MSH5: variants seen among roughly 807,000 people sequenced by gnomAD.
MSH5 encodes mutS homolog 5.
Under a neutral mutation model 107.7 loss-of-function variants are expected in MSH5, and 78 were observed. The ratio of observed to expected loss-of-function variants is 0.72; its 90% CI spans 0.60 to 0.87. The LOEUF (loss-of-function observed/expected upper bound fraction) is 0.87, where lower values mean the gene tolerates loss of function less well. Ranked by LOEUF, MSH5 falls within the 40% of genes least tolerant of loss-of-function variation. The pLI is 0.00. For synonymous variants in MSH5, 326 were observed against 399.5 expected (o/e 0.82, Z 2.19); for missense variants, 889 against 1,046.6 (o/e 0.85, Z 2.08).
At position 31,753,439 on chromosome 6, in the gene MSH5, T is replaced by C; in HGVS notation, c.951T>C (p.Pro317=). 1 of 1,613,538 alleles carries C rather than the reference T, an allele frequency of 6.2e-7. No homozygotes were observed. Among genetic ancestry groups the C allele is most frequent in the Non-Finnish European group, 8.5e-7 (1 of 1,179,606 alleles). The change falls in exon 11 of 25, where the codon CCT becomes CCC. Residue 317 remains proline, a splice_region_variant and synonymous_variant. Coordinates refer to ENST00000375750, the MANE Select transcript of MSH5 (RefSeq NM_172166.4). ...TCCTGGGTCACATCAAGAACGTGCC[T>C]GTGAGCCCAGGGTGGAGGGCAGGGA... ...HRLLGHIKNV[P]LILKRMKLSH...
rs1811103749 is a variant in MSH5 at position 31,762,432 on chromosome 6, A to G, written c.2406A>G (p.Leu802=). The change falls in exon 25 of 25, where the codon TTA becomes TTG. Residue 802 remains leucine, a synonymous_variant. Transcript: ENST00000375750. Reference sequence around the variant, plus strand: ...CTCTCTTCTTCAGTTGCCAGACATTAGTGGATAAGTTTATGAAACTGGATT... The same window carrying G: ...CTCTCTTCTTCAGTTGCCAGACATTGGTGGATAAGTTTATGAAACTGGATT... The part of the protein sequence containing the change: ...KKNQMENCQT[L]VDKFMKLDLE... The G allele has an allele frequency of 6.2e-7, 1 of 1,612,530 alleles. No individual in the cohort carries two copies. Among genetic ancestry groups the G allele is most frequent in the Non-Finnish European group, 8.5e-7 (1 of 1,178,750 alleles).
intron 7 of MSH5, 64 bp downstream of exon 7, chr6:31,744,363 G>A (rs764258684): frequency 3.7e-5 from 59 of 1,604,944 alleles, no homozygotes; most frequent in African/African-American, 6.7e-5. Flanking sequence ...AAAGTAAAGT[G>A]GGGGTGGGGT....
At chr6:31,754,137 A>AT (rs9281574) in intron 12 of MSH5, 22,334 of 149,328 alleles carry the variant, frequency 0.15, 2,113 homozygotes, top group African/African-American at 0.27. Flanking sequence ...ACTTACGCCA[A>AT]TTTTTTTTTA....
In MSH5 at chr6:31,762,489, C is replaced by T. The variant is rs1324987777; in HGVS notation, c.2463C>T (p.Phe821=). ...ATCCTAACCTGGACTTGAACGTTTT[C>T]ATGAGCCAGGAAGTGCTGCCTGCTG... ...LEDPNLDLNV[F]MSQEVLPAAT... Residue 821 remains phenylalanine, a synonymous_variant, in exon 25 of 25, where the codon TTC becomes TTT. Transcript: ENST00000375750. 1 of 1,614,118 alleles carries T rather than the reference C, an allele frequency of 6.2e-7. No homozygotes were observed. Among genetic ancestry groups the T allele is most frequent in the Non-Finnish European group, 8.5e-7 (1 of 1,180,002 alleles).
intron 10 of MSH5, 93 bp downstream of exon 10, chr6:31,747,525 A>C: frequency 8.5e-6 from 11 of 1,297,754 alleles, no homozygotes; most frequent in African/African-American, 2.9e-5. Context: ...ACAGATTCTC[A>C]CATACACCAC....
chr6:31,742,393 G>C (rs1808999823), intron 3 of MSH5, among the ~76,000 whole-genome samples: 1 of 152,122 alleles, frequency 6.6e-6, no homozygotes, highest in Non-Finnish European at 1.5e-5. Flanking sequence ...GAGTAGCTGG[G>C]ATTACAAGAA....
In MSH5 at chr6:31,742,937, C is replaced by T; in HGVS notation, c.332C>T (p.Thr111Ile). The stretch of plus-strand genomic sequence containing the variant: ...AGTGCCAAACAGGATGAGAATATGA[C>T]TCGATTTCTGGGAAAGCTTGGTAAG... ...VTSAKQDENM[T>I]RFLGKLASQE... The change falls in exon 4 of 25, where the codon ACT becomes ATT. Residue 111 changes from threonine to isoleucine, a missense_variant. This residue lies in a region of MSH5 where 518 missense variants were observed against 565.0 expected (regional missense o/e 0.92). Coordinates refer to ENST00000375750, the MANE Select transcript of MSH5 (RefSeq NM_172166.4). 6.2e-7 allele frequency: 1 copy of T among 1,612,968 alleles called. No homozygotes were observed. Among genetic ancestry groups the T allele is most frequent in the Non-Finnish European group, 8.5e-7 (1 of 1,180,028 alleles).
In MSH5 at chr6:31,760,864, G is replaced by A. The variant is rs1810928004; in HGVS notation, c.1962+25G>A. The A allele has an allele frequency of 5.6e-6, 9 of 1,605,706 alleles. No homozygotes were observed. The highest frequency in any genetic ancestry group is 7.7e-6 in the Non-Finnish European group (9 of 1,175,238). ...GGTCAAAGGGAACAAAGGGAGGTGGGATTGAGGAAGGGGATAATGGGAAAG... is the reference window on the plus strand; with the variant it reads ...GGTCAAAGGGAACAAAGGGAGGTGGAATTGAGGAAGGGGATAATGGGAAAG... On this transcript the variant is annotated intron_variant, in intron 20 of 24. Coordinates refer to ENST00000375750, the MANE Select transcript of MSH5 (RefSeq NM_172166.4). The surrounding 1 kb of genome is among the most constrained non-coding windows in gnomAD (Gnocchi z 5.6).
At chr6:31,757,854 G>C (rs183961334) in intron 12 of MSH5, 149 of 434,720 alleles carry the variant, frequency 3.4e-4, no homozygotes, top group African/African-American at 2.9e-3. Flanking sequence ...ATTTTGAGTA[G>C]AGACAGGGTT....
chr6:31,754,396 C>T (rs1189487390), intron 12 of MSH5, among the ~76,000 whole-genome samples: 3 of 152,152 alleles, frequency 2.0e-5, no homozygotes, highest in African/African-American at 4.8e-5. Context: ...GTGATCTGCC[C>T]ATCTCGGCCT....
intron 12 of MSH5, chr6:31,757,814 T>G (rs1221925896): frequency 2.9e-6 from 1 of 341,448 alleles, no homozygotes; most frequent in African/African-American, 2.1e-5. Flanking sequence ...GAATTACATG[T>G]GCATGCCACC....
chr6:31,761,283 G>A lies in MSH5; in HGVS notation c.2037+21G>A, dbSNP rs751810623. 1.2e-6 allele frequency: 2 copies of A among 1,612,778 alleles called. No homozygotes were observed. The highest frequency in any genetic ancestry group is 2.2e-5 in the East Asian group (1 of 44,880). ...ACACGGTGAGGGGAGAAACTGATGAGGGGAGAAACTAAGGAGGGGAAAATG... is the reference window on the plus strand; with the variant it reads ...ACACGGTGAGGGGAGAAACTGATGAAGGGAGAAACTAAGGAGGGGAAAATG... On this transcript the variant is annotated intron_variant, in intron 21 of 24. Transcript: ENST00000375750. The surrounding 1 kb of genome is among the most constrained non-coding windows in gnomAD (Gnocchi z 5.3).
rs747543231 is a variant in MSH5, at chr6:31,753,590, G to C, written c.975G>C (p.Leu325Phe). ...NVPLILKRMK[L>F]SHTKVSDWQV... Reference sequence around the variant, plus strand: ...AGCTGATTCTGAAACGCATGAAGTTGTCCCACACCAAGGTCAGCGACTGGC... The same window carrying C: ...AGCTGATTCTGAAACGCATGAAGTTCTCCCACACCAAGGTCAGCGACTGGC... The change falls in exon 12 of 25, where the codon TTG (leucine) becomes TTC (phenylalanine). Residue 325 changes from leucine to phenylalanine, a missense_variant. Leu to Phe is a conservative substitution (Grantham distance 22). Coordinates refer to ENST00000375750, the MANE Select transcript of MSH5 (RefSeq NM_172166.4). The C allele has an allele frequency of 6.2e-7, 1 of 1,614,136 alleles. No individual in the cohort carries two copies. The highest frequency in any genetic ancestry group is 8.5e-7 in the Non-Finnish European group (1 of 1,180,030).
chr6:31,758,434 A>G lies in MSH5; in HGVS notation c.1144-114A>G, dbSNP rs1032753233. 5 of 1,548,318 alleles carry G rather than the reference A, an allele frequency of 3.2e-6. 1 individual carries two copies. The African/African-American group carries it at 6.8e-5, about 21-fold the overall frequency. On this transcript the variant is annotated intron_variant, in intron 13 of 24. Transcript: ENST00000375750. This position sits in a 1 kb window ranked among gnomAD's most constrained non-coding sequence, Gnocchi z 5.1. Reference sequence around the variant, plus strand: ...GGAGGAGGCAGCAGAACTTCAGGGAAGTATCTGGAGGGTGAGAGTTAAAGG... The same window carrying G: ...GGAGGAGGCAGCAGAACTTCAGGGAGGTATCTGGAGGGTGAGAGTTAAAGG...
rs765384035 is a variant in MSH5, at chr6:31,753,555, G to T, written c.952-12G>T. 7 of 1,613,998 alleles carry T rather than the reference G, an allele frequency of 4.3e-6. No individual in the cohort carries two copies. The East Asian group carries it at 1.1e-4, about 26-fold the overall frequency. The stretch of plus-strand genomic sequence containing the variant: ...AAGAGAAAACAGCGGCTGTAACCTT[G>T]TCTGACTGTAGCTGATTCTGAAACG... On this transcript the variant is annotated splice_polypyrimidine_tract_variant and intron_variant, in intron 11 of 24. Transcript: ENST00000375750.
Position 31,741,150 on chromosome 6 carries a change from C to T in MSH5, c.148-13C>T. 1 of 1,612,372 alleles carries T rather than the reference C, an allele frequency of 6.2e-7. No homozygotes were observed. Among genetic ancestry groups the T allele is most frequent in the Non-Finnish European group, 8.5e-7 (1 of 1,179,748 alleles). Reference sequence around the variant, plus strand: ...GATTCTAATAGTGATTTCCTTTCTTCCTTGCTGGACAGATCCATCTGTGTG... The same window carrying T: ...GATTCTAATAGTGATTTCCTTTCTTTCTTGCTGGACAGATCCATCTGTGTG... On this transcript the variant is annotated splice_polypyrimidine_tract_variant and intron_variant, in intron 2 of 24. Transcript: ENST00000375750.
chr6:31,745,293 G>A lies in MSH5; in HGVS notation c.740G>A (p.Gly247Glu), dbSNP rs753440321. The change falls in exon 9 of 25, where the codon GGA (glycine) becomes GAA (glutamate). Residue 247 changes from glycine (G) to glutamate (E), a missense_variant. Physicochemically the swap from Gly to Glu is moderately conservative, Grantham distance 98 (BLOSUM62 -2). This residue lies in a region of MSH5 where 518 missense variants were observed against 565.0 expected (regional missense o/e 0.92). Coordinates refer to ENST00000375750, the MANE Select transcript of MSH5 (RefSeq NM_172166.4). ...CCCTCAGTGTACAAAGTGGCCAGTG[G>A]ACTGAAGGAGGGGCTCAGCCTCTTT... ...SHPSVYKVAS[G>E]LKEGLSLFGI... The A allele has an allele frequency of 6.2e-6, 10 of 1,613,214 alleles. No homozygotes were observed. Among genetic ancestry groups the A allele is most frequent in the Non-Finnish European group, 4.2e-6 (5 of 1,179,396 alleles).
Position 31,760,202 on chromosome 6 carries a change from A to G in MSH5, c.1798A>G (p.Ile600Val). ...TGGACCCAACTCATCAGGGAAGAGC[A>G]TATACCTCAAACAGGTGAGGAGAAG... ...ITGPNSSGKS[I>V]YLKQVGLITF... The change falls in exon 19 of 25, where the codon ATA becomes GTA. Residue 600 changes from isoleucine (I) to valine (V), a missense_variant. By Grantham distance (29) the Ile-to-Val change is conservative (BLOSUM62 3). Transcript: ENST00000375750. The surrounding 1 kb of genome is among the most constrained non-coding windows in gnomAD (Gnocchi z 5.6). 1.2e-6 allele frequency: 2 copies of G among 1,605,490 alleles called. No homozygotes were observed. Among genetic ancestry groups the G allele is most frequent in the Non-Finnish European group, 8.5e-7 (1 of 1,176,250 alleles).
chr6:31,746,856 T>G (rs1809509212), intron 9 of MSH5, among the ~76,000 whole-genome samples: 1 of 152,166 alleles, frequency 6.6e-6, no homozygotes, highest in Non-Finnish European at 1.5e-5. Context: ...GGAGTCTTGC[T>G]CTGTCACCCA....
Sources: allele counts gnomAD v4.1 joint callset (sites outside exome capture counted in the v4.1 genomes callset), GRCh38; gene constraint gnomAD v4.1.1; regional missense constraint gnomAD v4.1.1; non-coding constraint Gnocchi (gnomAD v3.1); transcripts MANE v1.5; gene names NCBI Gene and HGNC (gene_info 2026-07-23, HGNC 2026-07-21).